Variants in ZNF225 observed in about 807,000 individuals in gnomAD.
The protein encoded by ZNF225 is zinc finger protein 225.
Under a neutral mutation model 12.0 loss-of-function variants are expected in ZNF225, and 6 were observed. The ratio of observed to expected loss-of-function variants is 0.50; its 90% CI spans 0.27 to 0.98. The LOEUF is 0.98. Ranked by LOEUF, ZNF225 falls within the 50% of genes least tolerant of loss-of-function variation. The pLI is 0.11. For synonymous variants in ZNF225, 271 were observed against 283.2 expected (o/e 0.96, Z 0.43); for missense variants, 763 against 848.2 (o/e 0.90, Z 1.25).
chr19:44,131,502 C>G lies in ZNF225; in HGVS notation c.888C>G (p.Ser296Arg). ...KPFKCDICCK[S>R]FRSRANLNRH... ...TCAAATGTGATATATGTTGTAAGAGCTTCCGTAGTAGAGCAAATCTTAATA... is the reference window on the plus strand; with the variant it reads ...TCAAATGTGATATATGTTGTAAGAGGTTCCGTAGTAGAGCAAATCTTAATA... Residue 296 changes from serine (S) to arginine (R), a missense_variant, in exon 5 of 5, where the codon AGC becomes AGG. Coordinates refer to ENST00000262894, the MANE Select transcript of ZNF225 (RefSeq NM_013362.4). The G allele has an allele frequency of 6.2e-7, 1 of 1,614,130 alleles. No homozygotes were observed. Among genetic ancestry groups the G allele is most frequent in the South Asian group, 1.1e-5 (1 of 91,082 alleles).
intron 4 of ZNF225, among the ~76,000 whole-genome samples, chr19:44,121,390 G>A (rs760635506): frequency 8.5e-5 from 13 of 152,092 alleles, no homozygotes; most frequent in Non-Finnish European, 1.5e-4. Context: ...TTATTCACTC[G>A]TTGATTGATG....
In ZNF225 at chr19:44,118,558, A is replaced by T. The variant is rs1226041824; in HGVS notation, c.219A>T (p.Gln73His). Residue 73 changes from glutamine (Q) to histidine (H), a missense_variant, in exon 4 of 5, where the codon CAA becomes CAT. By Grantham distance (24) the Gln-to-His change is conservative. Transcript: ENST00000262894. ...TTTGGATGATGGAGACAGCAACCCAAAGAGAAGGGAATTTAGGTAAGAAGC... is the reference window on the plus strand; with the variant it reads ...TTTGGATGATGGAGACAGCAACCCATAGAGAAGGGAATTTAGGTAAGAAGC... The part of the protein sequence containing the change: ...EKFWMMETAT[Q>H]REGNLGGKIQ... 12 of 1,612,668 alleles carry T rather than the reference A, an allele frequency of 7.4e-6. No homozygotes were observed. The highest frequency in any genetic ancestry group is 1.0e-5 in the Non-Finnish European group (12 of 1,179,068).
intron 4 of ZNF225, among the ~76,000 whole-genome samples, chr19:44,126,872 C>T (rs879318373): frequency 2.0e-4 from 30 of 152,190 alleles, no homozygotes; most frequent in Admixed American, 1.4e-3. Flanking sequence ...ACCAAAGGGC[C>T]GGTCTCACTC....
At chr19:44,129,135 G>T in intron 4 of ZNF225, 1 of 1,226,498 alleles carries the variant, frequency 8.2e-7, no homozygotes, top group South Asian at 4.1e-5. Context: ...ACAGACAAAT[G>T]AGATTATACA....
chr19:44,115,706 C>T (rs368542478), intron 1 of ZNF225, 54 bp from the exon 2 acceptor site: 7 of 870,808 alleles, frequency 8.0e-6, no homozygotes, highest in Non-Finnish European at 8.8e-6. Context: ...TGGTGGATGG[C>T]ATCCCTGGCC....
At chr19:44,113,231 G>C (rs183430124), upstream of ZNF225, 370 of 152,536 alleles carry the variant, frequency 2.4e-3, no homozygotes, top group Non-Finnish European at 4.1e-3. Context: ...GCTCCGGCAG[G>C]CGAATCAGGG....
Position 44,118,512 on chromosome 19 carries a change from A to G in ZNF225, c.173A>G (p.His58Arg). Residue 58 changes from histidine to arginine, a missense_variant, in exon 4 of 5, where the codon CAC becomes CGC. Physicochemically the swap from His to Arg is conservative, Grantham distance 29 (BLOSUM62 0). Transcript: ENST00000262894. The part of the protein sequence containing the change: ...GHQSLHRDTF[H>R]FLKEEKFWMM... The stretch of plus-strand genomic sequence containing the variant: ...CAATCACTCCACAGAGATACTTTCC[A>G]CTTCCTAAAGGAAGAAAAGTTTTGG... 6.2e-7 allele frequency: 1 copy of G among 1,613,644 alleles called. No individual in the cohort carries two copies. The highest frequency in any genetic ancestry group is 8.5e-7 in the Non-Finnish European group (1 of 1,179,706).
intron 4 of ZNF225, among the ~76,000 whole-genome samples, chr19:44,120,840 G>A (rs1484868888): frequency 6.6e-6 from 1 of 151,814 alleles, no homozygotes; most frequent in African/African-American, 2.4e-5. Flanking sequence ...CACCATATTT[G>A]TAGTCTTTTG....
In ZNF225 at chr19:44,133,422, T is replaced by C. The variant is rs759301300; in HGVS notation, c.*687T>C. On this transcript the variant is annotated 3_prime_UTR_variant, in exon 5 of 5. Transcript: ENST00000262894. ...AAATTAAGGAATAAGATTGTGGAAA[T>C]TGGTTTTCAAAAAAAAATTCTCTAG... The C allele has an allele frequency of 3.3e-5, 5 of 152,106 alleles. No individual in the cohort carries two copies. Among genetic ancestry groups the C allele is most frequent in the Non-Finnish European group, 7.4e-5 (5 of 68,006 alleles). The allele number at this position is 152,106 out of a possible 1,614,324, so 9.4% of individuals were successfully genotyped here.
intron 2 of ZNF225, 135 bp downstream of exon 2, chr19:44,115,977 T>C: frequency 1.2e-6 from 1 of 860,096 alleles, no homozygotes; most frequent in East Asian, 2.9e-5. Context: ...TTCTCCTGCT[T>C]CAGCCTCCCA....
intron 4 of ZNF225, chr19:44,130,303 G>A (rs1314894686): frequency 7.2e-6 from 1 of 139,616 alleles, no homozygotes; most frequent in Admixed American, 6.9e-5. Flanking sequence ...GGAGGCAGAG[G>A]TGGGAGGATC....
intron 1 of ZNF225, among the ~76,000 whole-genome samples, chr19:44,114,518 T>C (rs915917287): frequency 3.9e-5 from 6 of 152,186 alleles, no homozygotes; most frequent in East Asian, 3.9e-4. Context: ...CTCTCTCTCT[T>C]TTTTTTTCTT....
At chr19:44,120,783 C>T (rs1968036818) in intron 4 of ZNF225, among the ~76,000 whole-genome samples, 2 of 152,108 alleles carry the variant, frequency 1.3e-5, no homozygotes, top group Admixed American at 6.5e-5. Context: ...AGTTCTTTAG[C>T]GACTTGTGAG....
intron 4 of ZNF225, among the ~76,000 whole-genome samples, chr19:44,121,437 A>G (rs1349078147): frequency 6.6e-6 from 1 of 152,180 alleles, no homozygotes; most frequent in Non-Finnish European, 1.5e-5. Context: ...GCAATTTTGA[A>G]TTGTGCTGCT....
chr19:44,118,405 T>C, intron 3 of ZNF225, 77 bp from the exon 4 acceptor site: 1 of 1,611,088 alleles, frequency 6.2e-7, no homozygotes, highest in Non-Finnish European at 8.5e-7. Context: ...ATTGGGAACC[T>C]AAGTTTCCAG....
In ZNF225 at chr19:44,132,577, G is replaced by A. The variant is rs201010299; in HGVS notation, c.1963G>A (p.Glu655Lys). ...CAGTAGAGAAAAACTACTTCAATGT[G>A]AGGACTGTGGGAAGAGCATTGTGCA... ...LHSREKLLQC[E>K]DCGKSIVHSS... is the part of the protein sequence containing the mutation. Residue 655 changes from glutamate (E) to lysine (K), a missense_variant, in exon 5 of 5, where the codon GAG becomes AAG. By Grantham distance (56) the Glu-to-Lys change is moderately conservative (BLOSUM62 1). Coordinates refer to ENST00000262894, the MANE Select transcript of ZNF225 (RefSeq NM_013362.4). 142 of 1,613,986 alleles carry A rather than the reference G, an allele frequency of 8.8e-5. 1 individual carries two copies. Among genetic ancestry groups the A allele is most frequent in the Non-Finnish European group, 2.4e-5 (28 of 1,179,988 alleles).
In ZNF225 at chr19:44,132,314, C is replaced by G. The variant is rs1968291323; in HGVS notation, c.1700C>G (p.Pro567Arg). 6.2e-7 allele frequency: 1 copy of G among 1,613,934 alleles called. No homozygotes were observed. Among genetic ancestry groups the G allele is most frequent in the South Asian group, 1.1e-5 (1 of 91,052 alleles). ...MHQRVHTGER[P>R]YNCKECGKSF... ...CAGAGGGTCCACACCGGAGAGAGACCTTATAATTGTAAAGAATGTGGGAAG... is the reference window on the plus strand; with the variant it reads ...CAGAGGGTCCACACCGGAGAGAGACGTTATAATTGTAAAGAATGTGGGAAG... Residue 567 changes from proline (P) to arginine (R), a missense_variant, in exon 5 of 5, where the codon CCT (proline) becomes CGT (arginine). Coordinates refer to ENST00000262894, the MANE Select transcript of ZNF225 (RefSeq NM_013362.4).
intron 4 of ZNF225, among the ~76,000 whole-genome samples, chr19:44,125,111 A>G (rs1968122717): frequency 6.6e-6 from 1 of 151,884 alleles, no homozygotes; most frequent in African/African-American, 2.4e-5. Flanking sequence ...GCTTTTTAAT[A>G]TGTGTTTTTG....
At chr19:44,114,176 AG>A in intron 1 of ZNF225, 1 of 1,019,990 alleles carries the variant, frequency 9.8e-7, no homozygotes, top group Non-Finnish European at 1.5e-6. Flanking sequence ...AAAGAGCTGC[AG>A]GGAGGGACTT....
Sources: gnomAD v4.1 joint callset for allele counts (sites outside exome capture counted in the v4.1 genomes callset) on GRCh38, gnomAD v4.1.1 for gene constraint, MANE v1.5 for transcripts, NCBI Gene and HGNC (gene_info 2026-07-23, HGNC 2026-07-21) for gene names.